The following MAML1 variants were observed in gnomAD, a reference collection of about 807,000 sequenced individuals.
MAML1 encodes mastermind-like protein 1.
A neutral mutation model predicts 77.1 loss-of-function variants in MAML1; 14 were observed. That is an observed-to-expected ratio of 0.18 (90% CI 0.12 to 0.28). MAML1 has a LOEUF of 0.28. Among genes scored for constraint, MAML1 ranks in the 10% least tolerant of loss-of-function variants. The pLI is 1.00. For synonymous variants in MAML1, 516 were observed against 551.9 expected (o/e 0.93, Z 0.91); for missense variants, 1,217 against 1,327.8 (o/e 0.92, Z 1.30).
At chr5:179,741,547 A>G (rs927378169) in intron 1 of MAML1, among the ~76,000 whole-genome samples, 1 of 151,978 alleles carries the variant, frequency 6.6e-6, no homozygotes, top group African/African-American at 2.4e-5. Flanking sequence ...TTAGCCGGGC[A>G]CGGTAGCATA....
chr5:179,773,788 T>C, intron 4 of MAML1, 107 bp from the exon 5 acceptor site: 2 of 1,508,238 alleles, frequency 1.3e-6, no homozygotes, highest in South Asian at 2.7e-5. Context: ...CCCGGGGCCC[T>C]CTTCCCAGTG....
chr5:179,764,986 A>AAT (rs1554151380), intron 1 of MAML1, among the ~76,000 whole-genome samples: 4 of 100,262 alleles, frequency 4.0e-5, no homozygotes, highest in African/African-American at 6.5e-5. Flanking sequence ...ATATATATAT[A>AAT]ATATATATAT....
chr5:179,770,975 G>A (rs1755974984), intron 3 of MAML1, 172 bp from the exon 4 acceptor site: 1 of 573,402 alleles, frequency 1.7e-6, no homozygotes, highest in Non-Finnish European at 3.2e-6. Flanking sequence ...TTGCTCCCTA[G>A]ATCTGTTTCA....
chr5:179,747,359 G>A (rs1779401267), intron 1 of MAML1, among the ~76,000 whole-genome samples: 1 of 152,184 alleles, frequency 6.6e-6, no homozygotes, highest in African/African-American at 2.4e-5. Context: ...GTTGGGAAGT[G>A]GAGTTGGTAG....
chr5:179,753,821 C>T (rs577062330), intron 1 of MAML1, among the ~76,000 whole-genome samples: 2 of 151,850 alleles, frequency 1.3e-5, no homozygotes, highest in South Asian at 4.2e-4. Context: ...TACAGGTGTA[C>T]ACCATGGTGC....
intron 1 of MAML1, among the ~76,000 whole-genome samples, chr5:179,762,206 A>G (rs147799402): frequency 2.3e-3 from 345 of 152,234 alleles, no homozygotes; most frequent in Middle Eastern, 3.4e-3. Flanking sequence ...AGAAGGAGGA[A>G]GTGGAGATAG....
chr5:179,733,711 C>T (rs1050879789), intron 1 of MAML1, among the ~76,000 whole-genome samples: 24 of 152,318 alleles, frequency 1.6e-4, no homozygotes, highest in Middle Eastern at 3.4e-3. Context: ...GACTTGATTC[C>T]GGGATGTTGA....
chr5:179,746,383 GT>G (rs949359882), intron 1 of MAML1, among the ~76,000 whole-genome samples: 2 of 151,652 alleles, frequency 1.3e-5, no homozygotes, highest in African/African-American at 4.8e-5. Flanking sequence ...GCAATGTTTT[GT>G]TTTTTTTGAG....
chr5:179,743,662 G>A (rs1779326424), intron 1 of MAML1, among the ~76,000 whole-genome samples: 2 of 151,944 alleles, frequency 1.3e-5, no homozygotes, highest in Non-Finnish European at 2.9e-5. Flanking sequence ...ACTGCGCCCG[G>A]CCCTCGCTCA....
chr5:179,755,900 G>T (rs920982212), intron 1 of MAML1, among the ~76,000 whole-genome samples: 2 of 151,692 alleles, frequency 1.3e-5, no homozygotes, highest in African/African-American at 4.8e-5. Context: ...GAGTAGCTGA[G>T]ATTACAGGAG....
In MAML1 at chr5:179,776,286, A is replaced by G; in HGVS notation, c.*1409A>G. ...CACTTCTGTTTCCCTGGAGTCTCCC[A>G]ATGGATCATTCAGGAGTGTCCTATG... On this transcript the variant is annotated 3_prime_UTR_variant, in exon 5 of 5. Coordinates refer to ENST00000292599, the MANE Select transcript of MAML1 (RefSeq NM_014757.5). The G allele has an allele frequency of 1.0e-6, 1 of 985,898 alleles. No individual in the cohort carries two copies. The highest frequency in any genetic ancestry group is 1.2e-6 in the Non-Finnish European group (1 of 829,946). 61.1% of individuals were successfully genotyped at this position (985,898 alleles called of 1,614,324 possible).
At chr5:179,755,254 G>C (rs992135235) in intron 1 of MAML1, among the ~76,000 whole-genome samples, 1 of 152,344 alleles carries the variant, frequency 6.6e-6, no homozygotes, top group African/African-American at 2.4e-5. Flanking sequence ...CTTCCTGTTA[G>C]TGAGCAGAGA....
Position 179,746,286 on chromosome 5 carries a change from C to A in MAML1, c.315+12859C>A, listed in dbSNP as rs1779381877. ...GCTTGAACCTGGGAGGCAGAGATTG[C>A]AGTGAGCGGAGATTGTGCCACTGCA... On this transcript the variant is annotated intron_variant, in intron 1 of 4. Coordinates refer to ENST00000292599, the MANE Select transcript of MAML1 (RefSeq NM_014757.5). Among the ~76,000 whole-genome samples the A allele has an allele frequency of 2.0e-5, 3 of 151,884 alleles. No individual in the cohort carries two copies. In the South Asian group the frequency reaches 6.2e-4, roughly 32 times the overall value.
chr5:179,773,290 G>A (rs1756043838), intron 4 of MAML1, among the ~76,000 whole-genome samples: 2 of 152,198 alleles, frequency 1.3e-5, no homozygotes, highest in South Asian at 2.1e-4. Context: ...TCCCGGCCAC[G>A]GCCAGTCTCT....
chr5:179,742,306 T>A (rs186156228), intron 1 of MAML1, among the ~76,000 whole-genome samples: 1 of 151,506 alleles, frequency 6.6e-6, no homozygotes, highest in Non-Finnish European at 1.5e-5. Flanking sequence ...CTGGCCAATA[T>A]GGTGAAACCT....
At chr5:179,772,209 C>T (rs1371203515) in intron 4 of MAML1, among the ~76,000 whole-genome samples, 1 of 152,216 alleles carries the variant, frequency 6.6e-6, no homozygotes, top group East Asian at 1.9e-4. Flanking sequence ...ACCTCCACCT[C>T]CTAGGTTCAA....
intron 1 of MAML1, among the ~76,000 whole-genome samples, chr5:179,751,724 G>A (rs953382446): frequency 2.0e-5 from 3 of 151,738 alleles, no homozygotes; most frequent in Non-Finnish European, 4.4e-5. Context: ...AAAAAATACC[G>A]ATTATGGCCA....
rs139911807 is a variant in MAML1, at chr5:179,738,722, A to G, written c.315+5295A>G. 1.3e-4 allele frequency among the ~76,000 whole-genome samples: 19 copies of G among 151,654 alleles called. No individual in the cohort carries two copies. In the East Asian group the frequency reaches 2.1e-3, roughly 17 times the overall value. ...TGGTAATATGCCTTCTACCTCTTCTATTACTCTGAAGTTGCCTCCGTAAAG... is the reference window on the plus strand; with the variant it reads ...TGGTAATATGCCTTCTACCTCTTCTGTTACTCTGAAGTTGCCTCCGTAAAG... On this transcript the variant is annotated intron_variant, in intron 1 of 4. Coordinates refer to ENST00000292599, the MANE Select transcript of MAML1 (RefSeq NM_014757.5).
chr5:179,775,327 ATT>A lies in MAML1; in HGVS notation c.*454_*455del. ...ATTTGCAATTTGTAGCATAGAAAAG[ATT>A]TTTAAATTTTTTTACAAAAGGTTTT... is the stretch of plus-strand genomic sequence containing the variant. On this transcript the variant is annotated 3_prime_UTR_variant, in exon 5 of 5. Transcript: ENST00000292599. 1 of 986,618 alleles carries A rather than the reference ATT, an allele frequency of 1.0e-6. No homozygotes were observed. The highest frequency in any genetic ancestry group is 1.2e-6 in the Non-Finnish European group (1 of 830,812). The allele number at this position is 986,618 out of a possible 1,614,324, so 61.1% of individuals were successfully genotyped here. A position where few individuals can be genotyped will look rare whatever the true frequency, so the allele number is the denominator to read the frequency against.
Sources: gnomAD v4.1 joint callset for allele counts (sites outside exome capture counted in the v4.1 genomes callset) on GRCh38, gnomAD v4.1.1 for gene constraint, MANE v1.5 for transcripts, NCBI Gene and HGNC (gene_info 2026-07-23, HGNC 2026-07-21) for gene names.